VSTM5: variants seen among roughly 807,000 people sequenced by gnomAD.
VSTM5 encodes the protein V-set and transmembrane domain-containing protein 5.
VSTM5 carries 21 observed loss-of-function variants against 20.3 expected under a neutral mutation model. The observed-to-expected ratio is 1.03, with a 90% confidence interval of 0.73 to 1.49. VSTM5 has a LOEUF of 1.49. VSTM5 is among the 40% of genes most tolerant of loss of function. VSTM5 has a pLI of 0.00. For missense variants in VSTM5, 219 were observed against 250.0 expected (o/e 0.88, Z 0.84); for synonymous variants, 100 against 102.5 (o/e 0.98, Z 0.14).
At chr11:93,843,345 ATCC>A (rs1944386481) in intron 1 of VSTM5, among the ~76,000 whole-genome samples, 2 of 151,942 alleles carry the variant, frequency 1.3e-5, no homozygotes, top group Non-Finnish European at 2.9e-5. Context: ...TGAATGGTTC[ATCC>A]TCCTCGATCT....
intron 1 of VSTM5, among the ~76,000 whole-genome samples, chr11:93,822,415 A>G (rs1309804095): frequency 6.6e-6 from 1 of 151,414 alleles, no homozygotes; most frequent in Non-Finnish European, 1.5e-5. Flanking sequence ...GCACACCAAC[A>G]TGCCCACATA....
intron 3 of VSTM5, 42 bp downstream of exon 3, chr11:93,820,701 C>A: frequency 6.4e-7 from 1 of 1,551,538 alleles, no homozygotes; most frequent in African/African-American, 1.4e-5. Context: ...CACCTCTGGC[C>A]TCAAAACCAC....
At chr11:93,824,263 A>G (rs1056811848) in intron 1 of VSTM5, among the ~76,000 whole-genome samples, 2 of 152,072 alleles carry the variant, frequency 1.3e-5, no homozygotes, top group East Asian at 1.9e-4. Context: ...CATAATAGCT[A>G]TATCAATTTA....
At chr11:93,842,373 T>G (rs1379015938) in intron 1 of VSTM5, among the ~76,000 whole-genome samples, 1 of 152,236 alleles carries the variant, frequency 6.6e-6, no homozygotes, top group Admixed American at 6.5e-5. Flanking sequence ...GTGGCAAGAC[T>G]GGGCGACCTG....
At chr11:93,846,642 T>C (rs1331388362) in intron 1 of VSTM5, among the ~76,000 whole-genome samples, 1 of 152,054 alleles carries the variant, frequency 6.6e-6, no homozygotes, top group East Asian at 1.9e-4. Flanking sequence ...TGATGACATA[T>C]GTAGAGAAGT....
rs940756775 is a variant in VSTM5, at chr11:93,828,915, T to A, written c.92-7592A>T. On this transcript the variant is annotated intron_variant, in intron 1 of 3. Coordinates refer to ENST00000409977, the MANE Select transcript of VSTM5 (RefSeq NM_001144871.2). ...GGCAGGGAGGTGTAGTGGAGACACC[T>A]GATGTGGGCAGGACACACCCAGGCT... 2.6e-5 allele frequency among the ~76,000 whole-genome samples: 4 copies of A among 152,294 alleles called. No individual in the cohort carries two copies. The South Asian group carries it at 6.2e-4, about 24-fold the overall frequency.
At chr11:93,840,997 A>C (rs1057434825) in intron 1 of VSTM5, among the ~76,000 whole-genome samples, 2 of 152,212 alleles carry the variant, frequency 1.3e-5, no homozygotes, top group African/African-American at 4.8e-5. Context: ...GGGGCAAGGA[A>C]CCTAAGGCCA....
chr11:93,849,280 C>A (rs7124077), intron 1 of VSTM5, among the ~76,000 whole-genome samples: 57,861 of 151,958 alleles, frequency 0.38, 11,494 homozygotes, highest in East Asian at 0.62. Flanking sequence ...CCGCCGCCCA[C>A]CCCAGTAGCT....
intron 1 of VSTM5, among the ~76,000 whole-genome samples, chr11:93,822,520 G>C (rs1237474243): frequency 6.6e-6 from 1 of 152,020 alleles, no homozygotes; most frequent in Non-Finnish European, 1.5e-5. Flanking sequence ...GTCTTGCTCT[G>C]TCGCCCAGGC....
intron 1 of VSTM5, among the ~76,000 whole-genome samples, chr11:93,841,499 A>T (rs948841130): frequency 2.0e-5 from 3 of 152,160 alleles, no homozygotes; most frequent in Non-Finnish European, 4.4e-5. Context: ...AAACTCTAAC[A>T]CAGTGGTTCT....
At chr11:93,841,633 T>C (rs7924366) in intron 1 of VSTM5, among the ~76,000 whole-genome samples, 28,656 of 152,132 alleles carry the variant, frequency 0.19, 3,116 homozygotes, top group African/African-American at 0.3. Context: ...CTTTTAGAAC[T>C]TTGGCTGAAA....
chr11:93,839,879 A>G (rs58063272), intron 1 of VSTM5, among the ~76,000 whole-genome samples: 34,079 of 152,196 alleles, frequency 0.22, 5,038 homozygotes, highest in African/African-American at 0.42. Flanking sequence ...AGGTCATTAC[A>G]GTGAGCCCTA....
In VSTM5 at chr11:93,839,945, G is replaced by A. The variant is rs111560103; in HGVS notation, c.91+10467C>T. ...TTTGGATATAGAGACATACATGCAC[G>A]TGGAGTGAGTGCCGTGTGAAGATGA... On this transcript the variant is annotated intron_variant, in intron 1 of 3. Transcript: ENST00000409977. 7.9e-3 allele frequency among the ~76,000 whole-genome samples: 1,206 copies of A among 152,242 alleles called. 18 individuals are homozygous for A. Among genetic ancestry groups the A allele is most frequent in the African/African-American group, 0.027 (1,108 of 41,520 alleles).
At chr11:93,837,562 TATC>T (rs1212748699) in intron 1 of VSTM5, among the ~76,000 whole-genome samples, 2 of 152,044 alleles carry the variant, frequency 1.3e-5, no homozygotes, top group East Asian at 3.9e-4. Flanking sequence ...CCTTTGTTAA[TATC>T]ATGACTTTGG....
chr11:93,827,675 G>A (rs191335565), intron 1 of VSTM5: 1 of 150,616 alleles, frequency 6.6e-6, no homozygotes, highest in East Asian at 2.0e-4. Flanking sequence ...GTCAGTTACA[G>A]ATGAAACCCC....
chr11:93,846,328 T>C (rs1175902799), intron 1 of VSTM5, among the ~76,000 whole-genome samples: 3 of 152,118 alleles, frequency 2.0e-5, no homozygotes, highest in African/African-American at 7.2e-5. Context: ...GCAGGGAGCA[T>C]ACTCAGGAAG....
chr11:93,826,290 C>A (rs1037434762), intron 1 of VSTM5, among the ~76,000 whole-genome samples: 2 of 151,934 alleles, frequency 1.3e-5, no homozygotes, highest in African/African-American at 2.4e-5. Flanking sequence ...AATTGACAAA[C>A]CTTTAGTTTT....
Position 93,820,853 on chromosome 11 carries a change from G to A in VSTM5, c.449C>T (p.Ala150Val), listed in dbSNP as rs766349717. Residue 150 changes from alanine to valine, a missense_variant, in exon 3 of 4, where the codon GCT (alanine) becomes GTT (valine). Ala to Val is a moderately conservative substitution (Grantham distance 64). Transcript: ENST00000409977. ...AGCAGCGAGAAAAGCAAGGATGACA[G>A]CGACAAAGTGCAGGTCTTCATAGAG... ...EILYEDLHFV[A>V]VILAFLAAVA... 4 of 1,550,630 alleles carry A rather than the reference G, an allele frequency of 2.6e-6. No homozygotes were observed. In the South Asian group the frequency reaches 4.8e-5, roughly 18 times the overall value.
At chr11:93,835,372 A>G (rs1340969265) in intron 1 of VSTM5, among the ~76,000 whole-genome samples, 1 of 152,178 alleles carries the variant, frequency 6.6e-6, no homozygotes, top group African/African-American at 2.4e-5. Context: ...TCAGTGAGCT[A>G]TGACTGCATC....
Sources: gnomAD v4.1 joint callset for allele counts (sites outside exome capture counted in the v4.1 genomes callset) on GRCh38, gnomAD v4.1.1 for gene constraint, MANE v1.5 for transcripts, NCBI Gene and HGNC (gene_info 2026-07-23, HGNC 2026-07-21) for gene names.